The following XKR6 variants were observed in gnomAD, a reference collection of about 807,000 sequenced individuals.
XKR6 encodes XK-related protein 6.
XKR6 carries 22 observed loss-of-function variants against 56.7 expected under a neutral mutation model. The ratio of observed to expected loss-of-function variants is 0.39; its 90% CI spans 0.28 to 0.55. The LOEUF is 0.55. Ranked by LOEUF, XKR6 falls within the 20% of genes least tolerant of loss-of-function variation. XKR6 has a pLI of 0.66. For missense variants in XKR6, 852 were observed against 889.0 expected, an observed-to-expected ratio of 0.96 and a Z score of 0.53; for synonymous variants, 524 against 387.8, an observed-to-expected ratio of 1.35 and a Z score of -4.13.
chr8:10,933,797 G>A (rs1801139056), intron 1 of XKR6, among the ~76,000 whole-genome samples: 2 of 147,050 alleles, frequency 1.4e-5, no homozygotes, highest in African/African-American at 2.6e-5. Flanking sequence ...TTTGGTGACT[G>A]TAGCCTTGTA....
intron 1 of XKR6, among the ~76,000 whole-genome samples, chr8:11,063,973 CT>C (rs1161909099): frequency 6.6e-6 from 1 of 152,200 alleles, no homozygotes. Context: ...TGACAAAAAG[CT>C]TACTGAGTGC....
chr8:11,044,840 G>C (rs1253694054), intron 1 of XKR6, among the ~76,000 whole-genome samples: 1 of 151,902 alleles, frequency 6.6e-6, no homozygotes. Context: ...GGCTGGTCTT[G>C]AACTCCTGAC....
chr8:11,099,134 G>A (rs1586542665), intron 1 of XKR6, among the ~76,000 whole-genome samples: 1 of 152,118 alleles, frequency 6.6e-6, no homozygotes, highest in Non-Finnish European at 1.5e-5. Context: ...GAAGAGGCAG[G>A]CACCCTATTA....
At chr8:11,144,291 T>C (rs1800868607) in intron 1 of XKR6, among the ~76,000 whole-genome samples, 1 of 146,194 alleles carries the variant, frequency 6.8e-6, no homozygotes, top group African/African-American at 2.6e-5. Flanking sequence ...CTCGGCTCCC[T>C]CCTGAAACTC....
intron 1 of XKR6, among the ~76,000 whole-genome samples, chr8:11,185,761 T>TAA (rs1803242464): frequency 6.6e-6 from 1 of 152,242 alleles, no homozygotes; most frequent in African/African-American, 2.4e-5. Context: ...ACAATACTTT[T>TAA]CATTGAGTCC....
chr8:11,129,578 C>G (rs190608762), intron 1 of XKR6, among the ~76,000 whole-genome samples: 36 of 152,270 alleles, frequency 2.4e-4, no homozygotes, highest in African/African-American at 8.4e-4. Flanking sequence ...GGTACACGAA[C>G]AGTCACAGAA....
intron 1 of XKR6, among the ~76,000 whole-genome samples, chr8:10,957,126 T>A (rs866046647): frequency 4.9e-4 from 75 of 152,102 alleles, no homozygotes; most frequent in Middle Eastern, 3.2e-3. Context: ...AATTTTTGTA[T>A]TTTTAGTACA....
rs570738392 is a variant in XKR6, at chr8:11,016,243, G to T, written c.765-91413C>A. Among the ~76,000 whole-genome samples the T allele has an allele frequency of 1.6e-3, 251 of 152,310 alleles. 2 individuals are homozygous for T. The highest frequency in any genetic ancestry group is 5.4e-3 in the African/African-American group (224 of 41,572). On this transcript the variant is annotated intron_variant, in intron 1 of 2. Coordinates refer to ENST00000416569, the MANE Select transcript of XKR6 (RefSeq NM_173683.4). ...CTTCCTCCCCGCACCCTGACGCGGA[G>T]GTTGGCCGGGGGCCTCTGCGTCCCT... is the stretch of plus-strand genomic sequence containing the variant.
intron 1 of XKR6, among the ~76,000 whole-genome samples, chr8:11,172,512 T>G (rs767707330): frequency 6.6e-6 from 1 of 152,168 alleles, no homozygotes; most frequent in Non-Finnish European, 1.5e-5. Flanking sequence ...TCTGCACAAG[T>G]ACCCTTTCTC....
At chr8:11,136,242 C>T (rs540231398) in intron 1 of XKR6, among the ~76,000 whole-genome samples, 9 of 152,308 alleles carry the variant, frequency 5.9e-5, no homozygotes, top group African/African-American at 1.7e-4. Context: ...TGGCCTGGCG[C>T]GGCGGCTCAC....
chr8:10,950,585 G>C (rs1801688598), intron 1 of XKR6, among the ~76,000 whole-genome samples: 1 of 152,200 alleles, frequency 6.6e-6, no homozygotes, highest in Non-Finnish European at 1.5e-5. Context: ...TGAAGAAAGG[G>C]ATGTGTCCCC....
chr8:11,039,902 G>A (rs771411635), intron 1 of XKR6, among the ~76,000 whole-genome samples: 2 of 152,220 alleles, frequency 1.3e-5, no homozygotes, highest in East Asian at 1.9e-4. Flanking sequence ...GCCCGTTAGC[G>A]GAACAAGCTT....
At chr8:10,955,159 G>A (rs1447120100) in intron 1 of XKR6, among the ~76,000 whole-genome samples, 1 of 151,732 alleles carries the variant, frequency 6.6e-6, no homozygotes, top group Non-Finnish European at 1.5e-5. Flanking sequence ...GTGAGCCACT[G>A]CACCCAGCCC....
chr8:11,182,725 A>C (rs1435643090), intron 1 of XKR6, among the ~76,000 whole-genome samples: 1 of 152,252 alleles, frequency 6.6e-6, no homozygotes, highest in Admixed American at 6.5e-5. Flanking sequence ...ATTGTGGCAA[A>C]GTATATACAA....
intron 1 of XKR6, among the ~76,000 whole-genome samples, chr8:11,196,424 A>G (rs1803892252): frequency 1.3e-5 from 2 of 151,596 alleles, no homozygotes; most frequent in Middle Eastern, 3.4e-3. Context: ...CAAACAAAAC[A>G]AAACAAAACA....
chr8:11,103,332 G>A (rs1798555533), intron 1 of XKR6, among the ~76,000 whole-genome samples: 2 of 152,280 alleles, frequency 1.3e-5, no homozygotes, highest in Admixed American at 1.3e-4. Flanking sequence ...ATCATGAAGA[G>A]ATTCAAACAT....
chr8:10,925,373 G>T (rs1000687632), intron 1 of XKR6, among the ~76,000 whole-genome samples: 2 of 152,310 alleles, frequency 1.3e-5, no homozygotes, highest in Non-Finnish European at 2.9e-5. Context: ...GAAACAGCGT[G>T]GGCTCAGAAA....
At chr8:11,198,238 C>T (rs1803997530) in intron 1 of XKR6, among the ~76,000 whole-genome samples, 1 of 152,066 alleles carries the variant, frequency 6.6e-6, no homozygotes, top group Non-Finnish European at 1.5e-5. Flanking sequence ...ACATGGCTAG[C>T]AGGTATTAAA....
intron 1 of XKR6, among the ~76,000 whole-genome samples, chr8:11,078,199 G>A (rs146385984): frequency 3.3e-5 from 5 of 152,318 alleles, no homozygotes; most frequent in Middle Eastern, 3.4e-3. Context: ...AGTAGGGGAA[G>A]GAACTCCAGA....
Sources: allele counts gnomAD v4.1 joint callset (sites outside exome capture counted in the v4.1 genomes callset), GRCh38; gene constraint gnomAD v4.1.1; transcripts MANE v1.5; gene names NCBI Gene and HGNC (gene_info 2026-07-23, HGNC 2026-07-21).